The following NRCAM variants were observed in gnomAD, a reference collection of about 807,000 sequenced individuals.
The protein encoded by NRCAM is neuronal cell adhesion molecule, also known as NgCAM-related cell adhesion molecule.
In NRCAM, 83 loss-of-function variants were observed where a neutral mutation model predicts 156.5. The ratio of observed to expected loss-of-function variants is 0.53; its 90% CI spans 0.44 to 0.64. NRCAM has a LOEUF of 0.64. Ranked by LOEUF, NRCAM falls within the 30% of genes least tolerant of loss-of-function variation. NRCAM has a pLI of 0.00. For missense variants in NRCAM, 1,417 were observed against 1,597.3 expected (o/e 0.89, Z 1.92); for synonymous variants, 538 against 563.9 (o/e 0.95, Z 0.65).
intron 3 of NRCAM, among the ~76,000 whole-genome samples, chr7:108,276,700 CTG>C (rs1591373140): frequency 6.6e-6 from 1 of 152,052 alleles, no homozygotes; most frequent in Non-Finnish European, 1.5e-5. Flanking sequence ...ATTTGCCAGT[CTG>C]TGTCTTTTAA....
intron 27 of NRCAM, 149 bp downstream of exon 27, chr7:108,176,281 A>G: frequency 1.5e-6 from 1 of 667,398 alleles, no homozygotes; most frequent in East Asian, 2.8e-5. Context: ...TAAATAGCTG[A>G]TTATATATCA....
At chr7:108,426,475 C>T (rs1817434276) in intron 1 of NRCAM, among the ~76,000 whole-genome samples, 1 of 152,184 alleles carries the variant, frequency 6.6e-6, no homozygotes, top group Non-Finnish European at 1.5e-5. Flanking sequence ...TTTACTCTGA[C>T]CAGATGAAGT....
At chr7:108,370,670 A>C (rs978512532) in intron 2 of NRCAM, among the ~76,000 whole-genome samples, 8 of 152,106 alleles carry the variant, frequency 5.3e-5, no homozygotes, top group Non-Finnish European at 1.0e-4. Flanking sequence ...TGTGTGCTCC[A>C]AAGTAGCAGT....
At chr7:108,351,213 T>G (rs1197916730) in intron 2 of NRCAM, among the ~76,000 whole-genome samples, 1 of 152,218 alleles carries the variant, frequency 6.6e-6, no homozygotes, top group Non-Finnish European at 1.5e-5. Flanking sequence ...CTTGCCCTTC[T>G]GCCTTCTGCC....
chr7:108,358,244 C>T (rs77560253), intron 2 of NRCAM, among the ~76,000 whole-genome samples: 1 of 71,794 alleles, frequency 1.4e-5, no homozygotes, highest in African/African-American at 6.0e-5. Flanking sequence ...CCCCTCTCTA[C>T]AAAAAAAAAA....
intron 2 of NRCAM, among the ~76,000 whole-genome samples, chr7:108,380,160 A>G (rs945489407): frequency 1.3e-4 from 20 of 152,248 alleles, no homozygotes; most frequent in African/African-American, 4.6e-4. Context: ...TAACACTCAC[A>G]TAATTTGGAA....
intron 3 of NRCAM, among the ~76,000 whole-genome samples, chr7:108,284,582 T>C (rs1302772007): frequency 1.3e-5 from 2 of 152,174 alleles, no homozygotes; most frequent in Non-Finnish European, 2.9e-5. Context: ...CTCACTTCTG[T>C]GTGGCTCACA....
At chr7:108,415,067 C>A (rs1473901791) in intron 1 of NRCAM, among the ~76,000 whole-genome samples, 4 of 152,192 alleles carry the variant, frequency 2.6e-5, no homozygotes. Context: ...TACTCCATTT[C>A]TTAGGAGGTT....
chr7:108,384,146 G>A (rs1220437779), intron 2 of NRCAM, among the ~76,000 whole-genome samples: 2 of 152,044 alleles, frequency 1.3e-5, no homozygotes, highest in Non-Finnish European at 1.5e-5. Context: ...ATTGGGTACT[G>A]GGCTTAATAC....
chr7:108,411,001 G>GT (rs201292973), intron 1 of NRCAM, among the ~76,000 whole-genome samples: 116 of 140,940 alleles, frequency 8.2e-4, no homozygotes, highest in Admixed American at 1.5e-3. Context: ...GTTTTATTCT[G>GT]TTTTTTTAAA....
intron 1 of NRCAM, among the ~76,000 whole-genome samples, chr7:108,406,057 TG>T (rs1379027381): frequency 6.6e-6 from 1 of 151,278 alleles, no homozygotes; most frequent in Non-Finnish European, 1.5e-5. Flanking sequence ...GAAGGAGAAA[TG>T]CATCAAAGAT....
chr7:108,169,803 CATTA>C (rs937097463), intron 28 of NRCAM, among the ~76,000 whole-genome samples: 5 of 152,082 alleles, frequency 3.3e-5, no homozygotes, highest in Non-Finnish European at 5.9e-5. Context: ...CCAGGAAAAA[CATTA>C]ATTTTCTTAA....
In NRCAM at chr7:108,239,823, G is replaced by A. The variant is rs550826853; in HGVS notation, c.106+136C>T. ...ATCTTTATAAACACCAGGTGCTGAAGGTAAAAGCCAAATTAATTTTGATTA... is the reference window on the plus strand; with the variant it reads ...ATCTTTATAAACACCAGGTGCTGAAAGTAAAAGCCAAATTAATTTTGATTA... On this transcript the variant is annotated intron_variant, in intron 4 of 32. Transcript: ENST00000379028. The A allele has an allele frequency of 1.6e-4, 90 of 554,464 alleles. 1 individual carries two copies. The highest frequency in any genetic ancestry group is 1.5e-3 in the African/African-American group (81 of 52,488). The allele number at this position is 554,464 out of a possible 1,614,324, so 34.3% of individuals were successfully genotyped here.
intron 2 of NRCAM, among the ~76,000 whole-genome samples, chr7:108,341,075 G>C (rs901173356): frequency 1.3e-5 from 2 of 149,220 alleles, no homozygotes; most frequent in Non-Finnish European, 2.9e-5. Flanking sequence ...TTCCAGTGTG[G>C]TCTACAAGGA....
chr7:108,348,840 A>C (rs62469221), intron 2 of NRCAM, among the ~76,000 whole-genome samples: 1 of 149,778 alleles, frequency 6.7e-6, no homozygotes, highest in African/African-American at 2.5e-5. Flanking sequence ...GAAGTGGAGG[A>C]AGCAGTGAGA....
rs767815535 is a variant in NRCAM, at chr7:108,198,929, C to T, written c.1208-830G>A. 1.2e-4 allele frequency among the ~76,000 whole-genome samples: 19 copies of T among 152,146 alleles called. 1 individual carries two copies. The highest frequency in any genetic ancestry group is 6.2e-4 in the South Asian group (3 of 4,822). On this transcript the variant is annotated intron_variant, in intron 13 of 32. Transcript: ENST00000379028. ...AACACAGTATGTGAGGATTTAGTCC[C>T]GGGCATGCCCAGCAATTTGGAACTT...
chr7:108,225,035 A>C (rs1447374846), intron 10 of NRCAM, among the ~76,000 whole-genome samples: 2 of 152,318 alleles, frequency 1.3e-5, no homozygotes, highest in Admixed American at 6.5e-5. Context: ...TCTACTTGAG[A>C]ACATTTCCCT....
At chr7:108,283,771 A>G (rs977944828) in intron 3 of NRCAM, among the ~76,000 whole-genome samples, 2 of 152,084 alleles carry the variant, frequency 1.3e-5, no homozygotes, top group Non-Finnish European at 2.9e-5. Flanking sequence ...TTAGCTCTTG[A>G]ATGTCCCTTT....
At chr7:108,337,504 C>A (rs1453029639) in intron 2 of NRCAM, among the ~76,000 whole-genome samples, 1 of 152,168 alleles carries the variant, frequency 6.6e-6, no homozygotes, top group Non-Finnish European at 1.5e-5. Context: ...CAGCGAGGGG[C>A]CCATTGCCAC....
Sources: gnomAD v4.1 joint callset for allele counts (sites outside exome capture counted in the v4.1 genomes callset) on GRCh38, gnomAD v4.1.1 for gene constraint, MANE v1.5 for transcripts, NCBI Gene and HGNC (gene_info 2026-07-23, HGNC 2026-07-21) for gene names.